CNOT10: variants seen among roughly 807,000 people sequenced by gnomAD.
CNOT10 encodes the protein CCR4-NOT transcription complex subunit 10.
Under a neutral mutation model 94.6 loss-of-function variants are expected in CNOT10, and 30 were observed. The ratio of observed to expected loss-of-function variants is 0.32; its 90% CI spans 0.24 to 0.43. The LOEUF (loss-of-function observed/expected upper bound fraction) is 0.43. CNOT10 is among the 20% of genes least tolerant of loss of function. The pLI is 1.00. For synonymous variants in CNOT10, 289 were observed against 301.6 expected (o/e 0.96, Z 0.43); for missense variants, 759 against 877.2 (o/e 0.87, Z 1.70).
intron 1 of CNOT10, among the ~76,000 whole-genome samples, chr3:32,700,390 A>C (rs1697286167): frequency 6.6e-6 from 1 of 152,216 alleles, no homozygotes; most frequent in African/African-American, 2.4e-5. Context: ...AACTTGCCCC[A>C]GTTCCACTTT....
At chr3:32,711,343 TATA>T (rs1207461320) in intron 4 of CNOT10, among the ~76,000 whole-genome samples, 3 of 152,190 alleles carry the variant, frequency 2.0e-5, no homozygotes, top group Non-Finnish European at 4.4e-5. Flanking sequence ...CTAAATTACT[TATA>T]ATACCTAATA....
intron 15 of CNOT10, 66 bp from the exon 16 acceptor site, chr3:32,764,389 G>A (rs112001360): frequency 7.2e-6 from 11 of 1,517,698 alleles, no homozygotes; most frequent in South Asian, 3.6e-5. Context: ...TTCTGAGCCC[G>A]AGGAGAAAAG....
intron 8 of CNOT10, among the ~76,000 whole-genome samples, chr3:32,721,843 AG>A (rs888374158): frequency 1.3e-5 from 2 of 151,316 alleles, no homozygotes; most frequent in African/African-American, 4.9e-5. Context: ...TAGTAGAGAC[AG>A]GGTTTCACCG....
intron 2 of CNOT10, among the ~76,000 whole-genome samples, chr3:32,704,545 A>G (rs77534593): frequency 0.039 from 5,973 of 152,136 alleles, 186 homozygotes; most frequent in African/African-American, 0.079. Flanking sequence ...TGCTAGCACT[A>G]TATGTATATG....
At chr3:32,687,850 T>C (rs1696697746) in intron 1 of CNOT10, 1 of 152,296 alleles carries the variant, frequency 6.6e-6, no homozygotes, top group African/African-American at 2.4e-5. Context: ...AAATTACTGT[T>C]GCAAAGCATT....
chr3:32,756,043 C>T (rs1700214523), intron 13 of CNOT10, among the ~76,000 whole-genome samples: 1 of 152,092 alleles, frequency 6.6e-6, no homozygotes, highest in South Asian at 2.1e-4. Flanking sequence ...TCTCTGGGGG[C>T]TCAGTAGAGC....
At chr3:32,741,287 A>C (rs1053392769) in intron 13 of CNOT10, among the ~76,000 whole-genome samples, 2 of 152,142 alleles carry the variant, frequency 1.3e-5, no homozygotes, top group African/African-American at 4.8e-5. Flanking sequence ...ATTCCATGGT[A>C]TGATTGTACC....
chr3:32,685,617 C>A lies in CNOT10; in HGVS notation c.22+135C>A. On this transcript the variant is annotated intron_variant, in intron 1 of 18. Coordinates refer to ENST00000328834, the MANE Select transcript of CNOT10 (RefSeq NM_015442.3). ...TTGGGCGTGCATTTCTTTACCCCAT[C>A]CTCTGTCTCGGCTGTCGCTAACATG... 2 of 945,588 alleles carry A rather than the reference C, an allele frequency of 2.1e-6. 1 individual carries two copies. The highest frequency in any genetic ancestry group is 3.0e-5 in the South Asian group (2 of 67,108). 58.6% of individuals were successfully genotyped at this position (945,588 alleles called of 1,614,324 possible). A position where few individuals can be genotyped will look rare whatever the true frequency, so the allele number is the denominator to read the frequency against.
rs1392659625 is a variant in CNOT10 at position 32,747,835 on chromosome 3, C to T, written c.1595+10345C>T. Among the ~76,000 whole-genome samples, 4 of 152,276 alleles carry T rather than the reference C, an allele frequency of 2.6e-5. No homozygotes were observed. In the East Asian group the frequency reaches 7.7e-4, roughly 29 times the overall value. On this transcript the variant is annotated intron_variant, in intron 13 of 18. Transcript: ENST00000328834. ...TAGTGGCGCGCCCATGTAGTCCCAG[C>T]TCCTCGGGAGGCTGAGGCGGGAGAA...
intron 7 of CNOT10, among the ~76,000 whole-genome samples, chr3:32,718,250 T>C (rs1698210250): frequency 6.7e-6 from 1 of 149,268 alleles, no homozygotes; most frequent in African/African-American, 2.5e-5. Flanking sequence ...CAGCCACCCA[T>C]TATCAAACTT....
At chr3:32,711,768 A>T (rs1418022909) in intron 4 of CNOT10, among the ~76,000 whole-genome samples, 1 of 152,186 alleles carries the variant, frequency 6.6e-6, no homozygotes, top group East Asian at 1.9e-4. Flanking sequence ...TAGCAGCAAG[A>T]TCATTGTGAC....
chr3:32,763,008 G>A, intron 15 of CNOT10, 145 bp downstream of exon 15: 2 of 764,288 alleles, frequency 2.6e-6, no homozygotes, highest in Non-Finnish European at 3.9e-6. Context: ...TACTTACTTT[G>A]TAGCAGTTGT....
At chr3:32,734,651 G>A in intron 11 of CNOT10, 149 bp from the exon 12 acceptor site, 4 of 598,452 alleles carry the variant, frequency 6.7e-6, no homozygotes, top group East Asian at 2.8e-5. Context: ...GGGTTCTTTA[G>A]CATGCTTTTA....
In CNOT10 at chr3:32,687,439, G is replaced by GTTTTTTTT. The variant is rs201119069; in HGVS notation, c.22+1962_22+1969dup. 7.6e-4 allele frequency among the ~76,000 whole-genome samples: 39 copies of GTTTTTTTT among 51,300 alleles called. 1 individual carries two copies. Among genetic ancestry groups the GTTTTTTTT allele is most frequent in the South Asian group, 3.4e-3 (3 of 884 alleles). The allele number at this position is 51,300 out of a possible 152,430, so 33.7% of individuals were successfully genotyped here. ...TTCTTTCTCCTTTTAAGTCCTCACG[G>GTTTTTTTT]TTTTTTTTTTTTGTTTTTTTTTTTT... is the stretch of plus-strand genomic sequence containing the variant. On this transcript the variant is annotated intron_variant, in intron 1 of 18. Coordinates refer to ENST00000328834, the MANE Select transcript of CNOT10 (RefSeq NM_015442.3).
At chr3:32,704,494 A>T (rs1245929518) in intron 2 of CNOT10, among the ~76,000 whole-genome samples, 1 of 152,152 alleles carries the variant, frequency 6.6e-6, no homozygotes, top group Non-Finnish European at 1.5e-5. Context: ...ATTTGGAGTG[A>T]TTATATTACC....
At chr3:32,742,520 TAC>T (rs796453625) in intron 13 of CNOT10, among the ~76,000 whole-genome samples, 12 of 152,214 alleles carry the variant, frequency 7.9e-5, no homozygotes, top group African/African-American at 2.9e-4. Context: ...TAGCTGAGAT[TAC>T]AGGCATGTGC....
In CNOT10 at chr3:32,733,446, C is replaced by A. The variant is rs1699044731; in HGVS notation, c.1239C>A (p.Gly413=). 6.3e-7 allele frequency: 1 copy of A among 1,593,412 alleles called. No individual in the cohort carries two copies. Among genetic ancestry groups the A allele is most frequent in the Admixed American group, 1.7e-5 (1 of 57,726 alleles). The part of the protein sequence containing the change: ...NKGTSEQETK[G]LPSKKGIVQS... The stretch of plus-strand genomic sequence containing the variant: ...AGACTTCTGAACAAGAAACTAAAGG[C>A]CTTCCCAGCAAAAAAGGAATTGTAC... The change falls in exon 11 of 19, where the codon GGC becomes GGA. Residue 413 remains glycine (G), a synonymous_variant. Coordinates refer to ENST00000328834, the MANE Select transcript of CNOT10 (RefSeq NM_015442.3).
chr3:32,766,115 C>T lies in CNOT10; in HGVS notation c.2004+1306C>T, dbSNP rs566755589. On this transcript the variant is annotated intron_variant, in intron 17 of 18. Coordinates refer to ENST00000328834, the MANE Select transcript of CNOT10 (RefSeq NM_015442.3). Reference sequence around the variant, plus strand: ...CCGCCTCCCGGGTTCAAACACTTCTCCTGCGTCAGCCTCCCAAGTAGCTGG... The same window carrying T: ...CCGCCTCCCGGGTTCAAACACTTCTTCTGCGTCAGCCTCCCAAGTAGCTGG... Among the ~76,000 whole-genome samples, 2 of 44,800 alleles carry T rather than the reference C, an allele frequency of 4.5e-5. 1 individual carries two copies. Among genetic ancestry groups the T allele is most frequent in the Non-Finnish European group, 9.7e-5 (2 of 20,622 alleles). 29.4% of individuals were successfully genotyped at this position (44,800 alleles called of 152,430 possible).
chr3:32,726,730 A>T (rs1439814125), intron 9 of CNOT10, among the ~76,000 whole-genome samples: 1 of 141,888 alleles, frequency 7.0e-6, no homozygotes, highest in African/African-American at 2.5e-5. Context: ...TAATAATAAT[A>T]ACCTATTTAA....
Sources: allele counts gnomAD v4.1 joint callset (sites outside exome capture counted in the v4.1 genomes callset), GRCh38; gene constraint gnomAD v4.1.1; transcripts MANE v1.5; gene names NCBI Gene and HGNC (gene_info 2026-07-23, HGNC 2026-07-21).